Variants in CENPP observed in about 807,000 individuals in gnomAD.
CENPP encodes centromere protein P.
CENPP carries 24 observed loss-of-function variants against 35.6 expected under a neutral mutation model. That is an observed-to-expected ratio of 0.67 (90% CI 0.49 to 0.95). The LOEUF (loss-of-function observed/expected upper bound fraction) is 0.95, where lower values mean the gene tolerates loss of function less well. Among genes scored for constraint, CENPP ranks in the 40% least tolerant of loss-of-function variants. The pLI, the probability that CENPP is intolerant of heterozygous loss-of-function variation, is 0.00. For synonymous variants in CENPP, 120 were observed against 125.5 expected, an observed-to-expected ratio of 0.96 and a Z score of 0.29; for missense variants, 332 against 345.3, an observed-to-expected ratio of 0.96 and a Z score of 0.31.
At chr9:92,572,560 A>C (rs1001105449) in intron 5 of CENPP, among the ~76,000 whole-genome samples, 2 of 152,024 alleles carry the variant, frequency 1.3e-5, no homozygotes. Flanking sequence ...TCTGACAATT[A>C]TGTGTCTTGG....
chr9:92,466,644 C>A, intron 5 of CENPP: 1 of 1,281,576 alleles, frequency 7.8e-7, no homozygotes, highest in Non-Finnish European at 1.1e-6. Context: ...AGTGATTAGC[C>A]AATGATGGAA....
At chr9:92,384,417 A>G (rs998184754) in intron 5 of CENPP, 2 of 152,178 alleles carry the variant, frequency 1.3e-5, no homozygotes, top group African/African-American at 2.4e-5. Context: ...TTACTTACAC[A>G]GTCCGGACTC....
chr9:92,486,794 T>G (rs1846068291), intron 5 of CENPP, among the ~76,000 whole-genome samples: 1 of 151,976 alleles, frequency 6.6e-6, no homozygotes, highest in Non-Finnish European at 1.5e-5. Context: ...TTTTTTTTTT[T>G]TTTTTGAGAC....
chr9:92,386,415 G>C, intron 5 of CENPP: 1 of 637,668 alleles, frequency 1.6e-6, no homozygotes, highest in Non-Finnish European at 2.8e-6. Flanking sequence ...ATATTGATAT[G>C]AATACATCAA....
chr9:92,610,018 T>G (rs183710499), intron 5 of CENPP, among the ~76,000 whole-genome samples: 6 of 152,286 alleles, frequency 3.9e-5, no homozygotes, highest in South Asian at 2.1e-4. Context: ...ATTACAGGCG[T>G]GAGCCACCCA....
intron 5 of CENPP, chr9:92,404,644 A>C (rs200929817): frequency 7.9e-7 from 1 of 1,271,510 alleles, no homozygotes; most frequent in Non-Finnish European, 1.0e-6. Flanking sequence ...CTTTAAGAAC[A>C]GTTTCCATGT....
chr9:92,615,730 CAA>C lies in CENPP; in HGVS notation c.*2585_*2586del. On this transcript the variant is annotated 3_prime_UTR_variant, in exon 8 of 8. Transcript: ENST00000375587. ...ATCCCACCTCAAAAGGGGTTAAAAG[CAA>C]AAACATTCACAACCAAAGGTCACCC... 1 of 984,032 alleles carries C rather than the reference CAA, an allele frequency of 1.0e-6. No homozygotes were observed. The highest frequency in any genetic ancestry group is 1.5e-6 in the Non-Finnish European group (1 of 648,044). The allele number at this position is 984,032 out of a possible 1,614,324, so 61.0% of individuals were successfully genotyped here.
chr9:92,600,491 CA>C (rs1279154297), intron 5 of CENPP: 2 of 1,612,756 alleles, frequency 1.2e-6, no homozygotes, highest in African/African-American at 1.3e-5. Context: ...GTCTGTTCTG[CA>C]AAGGTCTGGA....
At chr9:92,518,234 G>A (rs759293538) in intron 5 of CENPP, among the ~76,000 whole-genome samples, 3 of 152,138 alleles carry the variant, frequency 2.0e-5, no homozygotes, top group Non-Finnish European at 2.9e-5. Context: ...GGGGACACAG[G>A]GGCTCAGCTC....
chr9:92,415,831 A>G (rs1427619952), intron 5 of CENPP, among the ~76,000 whole-genome samples: 1 of 146,094 alleles, frequency 6.8e-6, no homozygotes, highest in African/African-American at 2.5e-5. Context: ...CTGACAATTT[A>G]TACATATATA....
At chr9:92,417,157 A>G (rs1407329835) in intron 5 of CENPP, 2 of 1,613,784 alleles carry the variant, frequency 1.2e-6, no homozygotes, top group East Asian at 2.2e-5. Context: ...CAAACACACC[A>G]TAATCAATCT....
chr9:92,583,154 T>C (rs1293803489), intron 5 of CENPP, among the ~76,000 whole-genome samples: 1 of 152,200 alleles, frequency 6.6e-6, no homozygotes, highest in Non-Finnish European at 1.5e-5. Context: ...CCATCCTTGG[T>C]CTCATCAATT....
chr9:92,326,406 C>G (rs1840507606), intron 1 of CENPP, among the ~76,000 whole-genome samples: 1 of 152,212 alleles, frequency 6.6e-6, no homozygotes, highest in Non-Finnish European at 1.5e-5. Flanking sequence ...AGAAGTATCT[C>G]TAGTTGGGAT....
At chr9:92,420,941 T>A (rs1239305614) in intron 5 of CENPP, among the ~76,000 whole-genome samples, 1 of 152,124 alleles carries the variant, frequency 6.6e-6, no homozygotes, top group Non-Finnish European at 1.5e-5. Flanking sequence ...CTAGAAGAGA[T>A]GAGCAAAAAC....
chr9:92,514,730 C>G (rs532812407), intron 5 of CENPP: 2 of 1,607,818 alleles, frequency 1.2e-6, no homozygotes, highest in East Asian at 2.2e-5. Context: ...AGAGAGCACC[C>G]GCTTGGCAGG....
At position 92,533,319 on chromosome 9, in the gene CENPP, AAAAAAAAAAATAT is replaced by A. The variant is rs1172382508; in HGVS notation, c.565-77993_565-77981del. Among the ~76,000 whole-genome samples the A allele has an allele frequency of 8.7e-3, 897 of 103,300 alleles. 5 individuals carry two copies. The highest frequency in any genetic ancestry group is 0.014 in the Non-Finnish European group (730 of 53,294). The allele number at this position is 103,300 out of a possible 152,430, so 67.8% of individuals were successfully genotyped here. ...GGTCTCAAACAAAAAAAAAAAAAAAAAAAAAAAAAATATATATATATATATATATATATATATA... is the reference window on the plus strand; with the variant it reads ...GGTCTCAAACAAAAAAAAAAAAAAAAATATATATATATATATATATATATA... On this transcript the variant is annotated intron_variant, in intron 5 of 7. Transcript: ENST00000375587.
chr9:92,392,621 G>T (rs544652182), intron 5 of CENPP, among the ~76,000 whole-genome samples: 32 of 151,576 alleles, frequency 2.1e-4, no homozygotes, highest in South Asian at 4.2e-4. Context: ...TGTCGGGTTG[G>T]GGGGAGGGGG....
At chr9:92,459,884 T>C in intron 5 of CENPP, 1 of 806,332 alleles carries the variant, frequency 1.2e-6, no homozygotes, top group Non-Finnish European at 1.8e-6. Flanking sequence ...ATATATATGT[T>C]CAAAGATATT....
intron 5 of CENPP, among the ~76,000 whole-genome samples, chr9:92,511,625 G>A (rs892762373): frequency 2.6e-5 from 4 of 152,094 alleles, no homozygotes; most frequent in African/African-American, 9.7e-5. Flanking sequence ...CACAAAAAAA[G>A]GAAGCAGTGT....
Sources: gnomAD v4.1 joint callset for allele counts (sites outside exome capture counted in the v4.1 genomes callset) on GRCh38, gnomAD v4.1.1 for gene constraint, MANE v1.5 for transcripts, NCBI Gene and HGNC (gene_info 2026-07-23, HGNC 2026-07-21) for gene names.